COBL: variants seen among roughly 807,000 people sequenced by gnomAD.
COBL encodes cordon-bleu WH2 repeat protein, also known as protein cordon-bleu.
COBL carries 51 observed loss-of-function variants against 98.8 expected under a neutral mutation model. The observed-to-expected ratio is 0.52, with a 90% CI of 0.41 to 0.65. COBL has a LOEUF of 0.65. Ranked by LOEUF, COBL falls within the 30% of genes least tolerant of loss-of-function variation. The pLI is 0.00. For synonymous variants in COBL, 634 were observed against 651.7 expected (o/e 0.97, Z 0.41); for missense variants, 1,617 against 1,617.5 (o/e 1.00, Z 0.01).
At chr7:51,134,730 C>A (rs895588947) in intron 6 of COBL, among the ~76,000 whole-genome samples, 3 of 152,132 alleles carry the variant, frequency 2.0e-5, no homozygotes, top group African/African-American at 7.2e-5. Flanking sequence ...TCAATATGGT[C>A]TGCATATTAT....
At chr7:51,219,417 C>A (rs1484576683) in intron 2 of COBL, among the ~76,000 whole-genome samples, 1 of 152,196 alleles carries the variant, frequency 6.6e-6, no homozygotes, top group African/African-American at 2.4e-5. Context: ...ACTGTGGCTG[C>A]TGTCCCACCC....
chr7:51,031,527 T>G (rs1216990330), intron 8 of COBL: 1 of 152,452 alleles, frequency 6.6e-6, no homozygotes, highest in Non-Finnish European at 1.5e-5. Flanking sequence ...AGGATCTGCC[T>G]GCTGTTAGGA....
At chr7:51,040,331 T>C (rs1479519165) in intron 8 of COBL, among the ~76,000 whole-genome samples, 1 of 152,052 alleles carries the variant, frequency 6.6e-6, no homozygotes, top group African/African-American at 2.4e-5. Context: ...TCCCAACTCT[T>C]TGGCAAATAA....
At chr7:51,166,982 C>A (rs1442657443) in intron 5 of COBL, among the ~76,000 whole-genome samples, 1 of 152,066 alleles carries the variant, frequency 6.6e-6, no homozygotes, top group African/African-American at 2.4e-5. Context: ...ATACAATAGA[C>A]CCACAGCTAG....
chr7:51,037,557 G>A (rs552869091), intron 8 of COBL, among the ~76,000 whole-genome samples: 1 of 152,342 alleles, frequency 6.6e-6, no homozygotes, highest in Admixed American at 6.5e-5. Context: ...AGCTGTGTGT[G>A]AGGCACACAG....
chr7:51,232,499 G>C (rs980146263), intron 1 of COBL, among the ~76,000 whole-genome samples: 1 of 151,996 alleles, frequency 6.6e-6, no homozygotes, highest in East Asian at 1.9e-4. Context: ...CCAGCAGGGG[G>C]ATTCTTATTT....
chr7:51,210,934 T>C (rs1021019986), intron 2 of COBL, among the ~76,000 whole-genome samples: 1 of 152,196 alleles, frequency 6.6e-6, no homozygotes, highest in South Asian at 2.1e-4. Context: ...CTTGGGACAA[T>C]GGCAGTGCCC....
chr7:51,156,266 T>C, intron 5 of COBL: 1 of 985,254 alleles, frequency 1.0e-6, no homozygotes, highest in Non-Finnish European at 1.2e-6. Flanking sequence ...TTTATTTTTC[T>C]TGTTGTGGTT....
Position 51,016,893 on chromosome 7 carries a change from G to C in COBL, c.*658C>G, listed in dbSNP as rs1019350564. On this transcript the variant is annotated 3_prime_UTR_variant, in exon 13 of 13. Transcript: ENST00000265136. ...CCTGGCCACATGATCACGTAGGACT[G>C]TTTTCTGGGTGGTAATAGTTGATTT... is the stretch of plus-strand genomic sequence containing the variant. 1 of 399,642 alleles carries C rather than the reference G, an allele frequency of 2.5e-6. No homozygotes were observed. 24.8% of individuals were successfully genotyped at this position (399,642 alleles called of 1,614,324 possible). A position where few individuals can be genotyped will look rare whatever the true frequency, so the allele number is the denominator to read the frequency against.
intron 5 of COBL, among the ~76,000 whole-genome samples, chr7:51,161,761 A>G (rs1363053477): frequency 2.0e-5 from 3 of 152,136 alleles, no homozygotes; most frequent in Non-Finnish European, 4.4e-5. Flanking sequence ...TAGAATTTGG[A>G]TTTTTTAAAA....
chr7:51,187,310 GTATATATA>G (rs67807746), intron 4 of COBL, among the ~76,000 whole-genome samples: 1 of 138,428 alleles, frequency 7.2e-6, no homozygotes, highest in African/African-American at 2.7e-5. Context: ...ATATGTTTAA[GTATATATA>G]TATATATATA....
At chr7:51,157,331 C>A (rs559145990) in intron 5 of COBL, among the ~76,000 whole-genome samples, 20 of 152,314 alleles carry the variant, frequency 1.3e-4, no homozygotes, top group African/African-American at 4.8e-4. Flanking sequence ...CAAGATCATG[C>A]CACTGCACTC....
intron 6 of COBL, among the ~76,000 whole-genome samples, chr7:51,116,429 A>G (rs1248236281): frequency 6.6e-6 from 1 of 152,148 alleles, no homozygotes; most frequent in African/African-American, 2.4e-5. Flanking sequence ...ATAACTTACA[A>G]TCACATAGGT....
chr7:51,049,137 C>T (rs1369526101), intron 7 of COBL, among the ~76,000 whole-genome samples: 1 of 152,178 alleles, frequency 6.6e-6, no homozygotes, highest in Non-Finnish European at 1.5e-5. Context: ...TCAGTTAGAT[C>T]CTTTGTCAAT....
chr7:51,241,836 G>A (rs1056736720), intron 1 of COBL, among the ~76,000 whole-genome samples: 1 of 152,190 alleles, frequency 6.6e-6, no homozygotes, highest in African/African-American at 2.4e-5. Context: ...GTCCTTCAGG[G>A]AGGAGTCCTC....
chr7:51,224,663 TG>T (rs143571109), intron 1 of COBL, among the ~76,000 whole-genome samples: 4,258 of 152,064 alleles, frequency 0.028, 188 homozygotes, highest in African/African-American at 0.097. Flanking sequence ...CCACGGTGTC[TG>T]GGTTTTTTAT....
intron 5 of COBL, among the ~76,000 whole-genome samples, chr7:51,178,671 T>C (rs989440011): frequency 1.3e-5 from 2 of 152,154 alleles, no homozygotes; most frequent in Non-Finnish European, 2.9e-5. Context: ...AGGCTGGATA[T>C]GATCTTGGCT....
In COBL at chr7:51,208,537, G is replaced by A. The variant is rs577028131; in HGVS notation, c.245+11204C>T. 3.5e-3 allele frequency among the ~76,000 whole-genome samples: 528 copies of A among 152,312 alleles called. 3 individuals carry two copies. The highest frequency in any genetic ancestry group is 5.9e-3 in the Non-Finnish European group (399 of 68,026). On this transcript the variant is annotated intron_variant, in intron 2 of 12. Transcript: ENST00000265136. ...TGGGAAGTGAGGAGCCCCTCTGCCC[G>A]GCCACCACCCCATCTGGGAGGCGTG... is the stretch of plus-strand genomic sequence containing the variant.
chr7:51,052,490 C>T (rs187062607), intron 7 of COBL, among the ~76,000 whole-genome samples: 3 of 152,330 alleles, frequency 2.0e-5, no homozygotes, highest in African/African-American at 4.8e-5. Flanking sequence ...TCCTTTTTTA[C>T]ACATTTCTGG....
Sources: allele counts gnomAD v4.1 joint callset (sites outside exome capture counted in the v4.1 genomes callset), GRCh38; gene constraint gnomAD v4.1.1; transcripts MANE v1.5; gene names NCBI Gene and HGNC (gene_info 2026-07-23, HGNC 2026-07-21).